The following LMO3 variants were observed in gnomAD, a reference collection of about 807,000 sequenced individuals.
LMO3 encodes LIM domain only 3.
A neutral mutation model predicts 15.8 loss-of-function variants in LMO3; 2 were observed. The ratio of observed to expected loss-of-function variants is 0.13; its 90% CI spans 0.05 to 0.40. LMO3 has a LOEUF of 0.40. LMO3 is among the 10% of genes least tolerant of loss of function. The pLI is 0.99. For synonymous variants in LMO3, 62 were observed against 63.8 expected (o/e 0.97, Z 0.13); for missense variants, 86 against 182.2 (o/e 0.47, Z 3.04).
rs1033196674 is a variant in LMO3 at position 16,584,331 on chromosome 12, G to C, written c.206+16324C>G. 3.3e-5 allele frequency among the ~76,000 whole-genome samples: 5 copies of C among 152,146 alleles called. No individual in the cohort carries two copies. Among genetic ancestry groups the C allele is most frequent in the Admixed American group, 6.5e-5 (1 of 15,270 alleles). On this transcript the variant is annotated intron_variant, in intron 2 of 3. Coordinates refer to ENST00000537304, the MANE Select transcript of LMO3 (RefSeq NM_018640.5). This position sits in a 1 kb window ranked among gnomAD's most constrained non-coding sequence, Gnocchi z 5.2. ...ACCTTGCACCTGTTGACAGCTGAAA[G>C]AAAAGTTGCCTCCTTAAAGGAGAGG... is the stretch of plus-strand genomic sequence containing the variant.
chr12:16,607,588 T>C (rs965641449), upstream of LMO3: 1 of 152,198 alleles, frequency 6.6e-6, no homozygotes, highest in Non-Finnish European at 1.5e-5. Flanking sequence ...GCTCTTAAAG[T>C]ACCCTCACCA....
chr12:16,597,263 A>G lies in LMO3; in HGVS notation c.206+3392T>C, dbSNP rs988043224. Among the ~76,000 whole-genome samples, 1 of 151,738 alleles carries G rather than the reference A, an allele frequency of 6.6e-6. No homozygotes were observed. The highest frequency in any genetic ancestry group is 1.5e-5 in the Non-Finnish European group (1 of 67,736). On this transcript the variant is annotated intron_variant, in intron 2 of 3. Transcript: ENST00000537304. This position sits in a 1 kb window ranked among gnomAD's most constrained non-coding sequence, Gnocchi z 5.0. ...CTTTCTTTTTCTCTTAAATATAGCT[A>G]CTAGTGCCATAAAGGAGAAAAAAAA...
Position 16,584,188 on chromosome 12 carries a change from T to C in LMO3, c.206+16467A>G, listed in dbSNP as rs1309798570. 6.6e-6 allele frequency among the ~76,000 whole-genome samples: 1 copy of C among 152,074 alleles called. No homozygotes were observed. Among genetic ancestry groups the C allele is most frequent in the Non-Finnish European group, 1.5e-5 (1 of 68,014 alleles). ...GGGTAAAAGGTAGTATAATTAGATG[T>C]ACGAGTTTTGTTGGAGGATGCATTT... is the stretch of plus-strand genomic sequence containing the variant. On this transcript the variant is annotated intron_variant, in intron 2 of 3. Transcript: ENST00000537304. This position sits in a 1 kb window ranked among gnomAD's most constrained non-coding sequence, Gnocchi z 5.2.
chr12:16,593,131 T>C lies in LMO3; in HGVS notation c.206+7524A>G, dbSNP rs1397151851. ...TAGTCCTTGTCATATCTGATATTTA[T>C]GTTTACTAAAATTGATTTTCTCTTT... is the stretch of plus-strand genomic sequence containing the variant. On this transcript the variant is annotated intron_variant, in intron 2 of 3. Coordinates refer to ENST00000537304, the MANE Select transcript of LMO3 (RefSeq NM_018640.5). This position sits in a 1 kb window ranked among gnomAD's most constrained non-coding sequence, Gnocchi z 4.2. Among the ~76,000 whole-genome samples the C allele has an allele frequency of 6.6e-6, 1 of 151,900 alleles. No individual in the cohort carries two copies. The highest frequency in any genetic ancestry group is 1.5e-5 in the Non-Finnish European group (1 of 67,820).
Position 16,604,093 on chromosome 12 carries a change from G to T in LMO3, c.-9+1973C>A, listed in dbSNP as rs1454367077. Among the ~76,000 whole-genome samples the T allele has an allele frequency of 6.6e-6, 1 of 152,138 alleles. No individual in the cohort carries two copies. The highest frequency in any genetic ancestry group is 1.5e-5 in the Non-Finnish European group (1 of 68,038). ...AGATTAAAAGAATTTGGCCAACATG[G>T]CCATTCGATTGCCAAGAGGCACCAG... On this transcript the variant is annotated intron_variant, in intron 1 of 3. Transcript: ENST00000537304. This position sits in a 1 kb window ranked among gnomAD's most constrained non-coding sequence, Gnocchi z 5.3.
Position 16,566,024 on chromosome 12 carries a change from A to T in LMO3, c.207-5486T>A, listed in dbSNP as rs1342080139. Among the ~76,000 whole-genome samples the T allele has an allele frequency of 5.9e-5, 5 of 84,366 alleles. 1 individual carries two copies. Among genetic ancestry groups the T allele is most frequent in the African/African-American group, 2.4e-4 (5 of 20,758 alleles). 55.3% of individuals were successfully genotyped at this position (84,366 alleles called of 152,430 possible). A position where few individuals can be genotyped will look rare whatever the true frequency, so the allele number is the denominator to read the frequency against. ...TATATATATATATATATATATATAT[A>T]TATATATATATATATAAAATGGAGT... On this transcript the variant is annotated intron_variant, in intron 2 of 3. Coordinates refer to ENST00000537304, the MANE Select transcript of LMO3 (RefSeq NM_018640.5).
At chr12:16,577,268 G>A (rs1253742293) in intron 2 of LMO3, among the ~76,000 whole-genome samples, 2 of 152,114 alleles carry the variant, frequency 1.3e-5, no homozygotes, top group African/African-American at 2.4e-5. Context: ...CTGAAAGGCC[G>A]TAAACTTTCT....
Position 16,549,682 on chromosome 12 carries a change from A to AAAAT in LMO3, c.*1536_*1539dup, listed in dbSNP as rs1430014093. ...CCATAGCACTAAGTTTGCTGTAGTG[A>AAAAT]AAATATGGTTAACGGTGCCGTGCAA... On this transcript the variant is annotated 3_prime_UTR_variant, in exon 4 of 4. Transcript: ENST00000537304. 3.3e-5 allele frequency: 5 copies of AAAAT among 152,360 alleles called. No homozygotes were observed. In the East Asian group the frequency reaches 7.7e-4, roughly 24 times the overall value. The allele number at this position is 152,360 out of a possible 1,614,324, so 9.4% of individuals were successfully genotyped here. A position where few individuals can be genotyped will look rare whatever the true frequency, so the allele number is the denominator to read the frequency against.
At chr12:16,557,531 A>G (rs1250408908) in intron 3 of LMO3, among the ~76,000 whole-genome samples, 1 of 152,100 alleles carries the variant, frequency 6.6e-6, no homozygotes, top group Non-Finnish European at 1.5e-5. Context: ...ACCTTGTTTA[A>G]GTAATCATGC....
rs1943184907 is a variant in LMO3, at chr12:16,582,268, C to T, written c.206+18387G>A. Among the ~76,000 whole-genome samples, 1 of 152,150 alleles carries T rather than the reference C, an allele frequency of 6.6e-6. No individual in the cohort carries two copies. Among genetic ancestry groups the T allele is most frequent in the Admixed American group, 6.6e-5 (1 of 15,262 alleles). On this transcript the variant is annotated intron_variant, in intron 2 of 3. Transcript: ENST00000537304. This position sits in a 1 kb window ranked among gnomAD's most constrained non-coding sequence, Gnocchi z 4.1. ...TGTTTCTTCCTCCAGTTTGATAATA[C>T]AATGAATTAGATTGAGATATGTCCT...
At chr12:16,567,480 T>G (rs1942658296) in intron 2 of LMO3, 1 of 152,214 alleles carries the variant, frequency 6.6e-6, no homozygotes, top group Non-Finnish European at 1.5e-5. Flanking sequence ...GCTGGAGGAC[T>G]GGGGAAGACA....
chr12:16,581,256 G>A (rs1423772262), intron 2 of LMO3, among the ~76,000 whole-genome samples: 3 of 152,226 alleles, frequency 2.0e-5, no homozygotes, highest in Admixed American at 6.5e-5. Context: ...ATGGGTTCTG[G>A]AGTCAGTCAC....
rs1026521856 is a variant in LMO3, at chr12:16,604,997, G to A, written c.-9+1069C>T. 27 of 1,593,884 alleles carry A rather than the reference G, an allele frequency of 1.7e-5. No individual in the cohort carries two copies. The highest frequency in any genetic ancestry group is 2.2e-5 in the Non-Finnish European group (26 of 1,177,498). ...GATTTCGCTTAAGTGTGGACCTGGTGCGCAGCCTACACCGCCGAGGACCGA... is the reference window on the plus strand; with the variant it reads ...GATTTCGCTTAAGTGTGGACCTGGTACGCAGCCTACACCGCCGAGGACCGA... On this transcript the variant is annotated intron_variant, in intron 1 of 3. Transcript: ENST00000537304. The surrounding 1 kb of genome is among the most constrained non-coding windows in gnomAD (Gnocchi z 5.3).
chr12:16,554,925 G>A (rs538829521), intron 3 of LMO3, among the ~76,000 whole-genome samples: 1 of 152,266 alleles, frequency 6.6e-6, no homozygotes, highest in Admixed American at 6.5e-5. Context: ...GCCTCCCAAA[G>A]TGCTGGGATT....
intron 1 of LMO3, chr12:16,605,436 G>GCCCCCCCCCCCCCCCCCCCCCC (rs56405071): frequency 5.6e-6 from 2 of 355,860 alleles, no homozygotes; most frequent in Non-Finnish European, 6.9e-6. Context: ...CTACCCGCCT[G>GCCCCCCCCCCCCCCCCCCCCCC]CCCCCCCCCC....
At chr12:16,551,356 G>A (rs762673735) in intron 3 of LMO3, 29 bp from the exon 4 acceptor site, 12 of 1,298,660 alleles carry the variant, frequency 9.2e-6, no homozygotes, top group Non-Finnish European at 1.2e-5. Context: ...ATAAAATGTG[G>A]TTAAGACCAT....
chr12:16,569,488 C>T (rs1282091348), intron 2 of LMO3, among the ~76,000 whole-genome samples: 1 of 152,160 alleles, frequency 6.6e-6, no homozygotes, highest in African/African-American at 2.4e-5. Context: ...TCAATTTCTT[C>T]TCATACCCAT....
intron 3 of LMO3, among the ~76,000 whole-genome samples, chr12:16,553,036 G>A (rs2137259060): frequency 6.6e-6 from 1 of 152,172 alleles, no homozygotes; most frequent in South Asian, 2.1e-4. Context: ...GAGTAGAAAT[G>A]AAATATCTAA....
At chr12:16,580,576 T>C (rs1943128917) in intron 2 of LMO3, among the ~76,000 whole-genome samples, 1 of 152,162 alleles carries the variant, frequency 6.6e-6, no homozygotes, top group Admixed American at 6.6e-5. Context: ...GATCAGGTAG[T>C]AGATTATATA....
Sources: allele counts gnomAD v4.1 joint callset (sites outside exome capture counted in the v4.1 genomes callset), GRCh38; gene constraint gnomAD v4.1.1; non-coding constraint Gnocchi (gnomAD v3.1); transcripts MANE v1.5; gene names NCBI Gene and HGNC (gene_info 2026-07-23, HGNC 2026-07-21).